The following SPINK5 variants were observed in gnomAD, a reference collection of about 807,000 sequenced individuals.
SPINK5 encodes serine protease inhibitor Kazal-type 5.
Under a neutral mutation model 151.8 loss-of-function variants are expected in SPINK5, and 125 were observed. The observed-to-expected ratio is 0.82, with a 90% confidence interval of 0.71 to 0.96. The LOEUF (loss-of-function observed/expected upper bound fraction) is 0.96. SPINK5 is among the 40% of genes least tolerant of loss of function. SPINK5 has a pLI of 0.00. For synonymous variants in SPINK5, 374 were observed against 395.3 expected (o/e 0.95, Z 0.64); for missense variants, 1,194 against 1,291.9 (o/e 0.92, Z 1.16).
intron 32 of SPINK5, among the ~76,000 whole-genome samples, chr5:148,134,458 A>G (rs1754648696): frequency 6.6e-6 from 1 of 152,174 alleles, no homozygotes; most frequent in Non-Finnish European, 1.5e-5. Flanking sequence ...TAAGAGAAAA[A>G]TGTTTTGTTA....
chr5:148,064,691 C>T (rs539668652), intron 1 of SPINK5, among the ~76,000 whole-genome samples: 2 of 151,980 alleles, frequency 1.3e-5, no homozygotes, highest in South Asian at 4.1e-4. Context: ...CCTAGACTTA[C>T]GTTGCTCTGA....
At chr5:148,064,578 C>T (rs1199279773) in intron 1 of SPINK5, among the ~76,000 whole-genome samples, 1 of 152,110 alleles carries the variant, frequency 6.6e-6, no homozygotes, top group Non-Finnish European at 1.5e-5. Context: ...TTTTCAAATG[C>T]TAAATGGGTT....
chr5:148,134,149 G>A (rs990850275), intron 32 of SPINK5: 8 of 483,954 alleles, frequency 1.7e-5, no homozygotes, highest in Non-Finnish European at 3.0e-5. Flanking sequence ...CCAACATAAC[G>A]TTACTTATTT....
At chr5:148,082,601 C>CTTTTTT (rs1200775905) in intron 4 of SPINK5, among the ~76,000 whole-genome samples, 3 of 42,762 alleles carry the variant, frequency 7.0e-5, no homozygotes, top group Non-Finnish European at 1.1e-4. Context: ...TTTATATATT[C>CTTTTTT]TTTTTTTTTT....
At chr5:148,089,768 TTC>T in intron 7 of SPINK5, 147 bp downstream of exon 7, 3 of 1,182,794 alleles carry the variant, frequency 2.5e-6, no homozygotes, top group South Asian at 1.3e-5. Context: ...ACAGAAAGGC[TTC>T]TTTTCTTTTT....
chr5:148,072,674 G>C (rs1372133127), intron 4 of SPINK5, among the ~76,000 whole-genome samples: 1 of 151,346 alleles, frequency 6.6e-6, no homozygotes, highest in Non-Finnish European at 1.5e-5. Flanking sequence ...TTTAAAAGCC[G>C]GTCTCAGGGT....
intron 27 of SPINK5, 42 bp downstream of exon 27, chr5:148,124,002 GT>G (rs1223079651): frequency 2.2e-5 from 35 of 1,610,600 alleles, no homozygotes; most frequent in Non-Finnish European, 2.9e-5. Flanking sequence ...AGTTGTGCCT[GT>G]TTGCTAGAAA....
Position 148,131,269 on chromosome 5 carries a change from T to C in SPINK5, c.2975T>C (p.Met992Thr), listed in dbSNP as rs186910422. The C allele has an allele frequency of 2.5e-6, 4 of 1,613,864 alleles. No individual in the cohort carries two copies. The highest frequency in any genetic ancestry group is 4.5e-5 in the East Asian group (2 of 44,846). ...PDSFSSLDSE[M>T]CKDYRVLPRI... ...TTTTTGCTTCTTCAGGATTCTGAGA[T>C]GTGCAAAGACTACCGAGTATTGCCC... The change falls in exon 31 of 33, where the codon ATG (methionine) becomes ACG (threonine). Residue 992 changes from methionine (M) to threonine (T), a missense_variant. Transcript: ENST00000256084.
chr5:148,130,539 A>G (rs113746516), intron 30 of SPINK5, among the ~76,000 whole-genome samples: 2,929 of 152,112 alleles, frequency 0.019, 90 homozygotes, highest in African/African-American at 0.067. Flanking sequence ...AGGTCTTGGA[A>G]TTATCATTAA....
At chr5:148,087,944 T>A (rs1753205626) in intron 5 of SPINK5, among the ~76,000 whole-genome samples, 1 of 151,818 alleles carries the variant, frequency 6.6e-6, no homozygotes, top group Non-Finnish European at 1.5e-5. Flanking sequence ...TTTATATTGT[T>A]TTTACTAAAT....
intron 4 of SPINK5, among the ~76,000 whole-genome samples, chr5:148,077,029 G>C (rs79062863): frequency 0.029 from 4,402 of 151,332 alleles, 102 homozygotes; most frequent in South Asian, 0.094. Flanking sequence ...ATAGAGGTGA[G>C]AGAAAAAGGA....
intron 4 of SPINK5, among the ~76,000 whole-genome samples, chr5:148,078,472 T>C (rs1168250069): frequency 1.3e-5 from 2 of 151,170 alleles, no homozygotes; most frequent in African/African-American, 2.4e-5. Context: ...GCTTCTCCGT[T>C]GATTGTAGAA....
At position 148,107,216 on chromosome 5, in the gene SPINK5, C is replaced by G. The variant is rs1581088086; in HGVS notation, c.1607+52C>G. The G allele has an allele frequency of 7.3e-7, 1 of 1,368,546 alleles. No individual in the cohort carries two copies. Among genetic ancestry groups the G allele is most frequent in the Non-Finnish European group, 9.7e-7 (1 of 1,034,860 alleles). 84.8% of individuals were successfully genotyped at this position (1,368,546 alleles called of 1,614,324 possible). ...TGAATTTCTTCATCCATGATCGCCC[C>G]TGAGTCTCAGATCCTTCATGCATGT... On this transcript the variant is annotated intron_variant, in intron 17 of 32. Coordinates refer to ENST00000256084, the MANE Select transcript of SPINK5 (RefSeq NM_006846.4).
chr5:148,090,441 C>T (rs1433437410), intron 7 of SPINK5, among the ~76,000 whole-genome samples: 1 of 151,658 alleles, frequency 6.6e-6, no homozygotes, highest in African/African-American at 2.4e-5. Context: ...ACTTTCTTAT[C>T]TAGGAGACAT....
intron 4 of SPINK5, among the ~76,000 whole-genome samples, chr5:148,075,384 A>C (rs1372200200): frequency 3.3e-5 from 5 of 151,014 alleles, no homozygotes; most frequent in Non-Finnish European, 7.4e-5. Flanking sequence ...CTTAATATTA[A>C]ACTATTATTA....
At chr5:148,094,103 C>T (rs921485408) in intron 8 of SPINK5, among the ~76,000 whole-genome samples, 41 of 151,836 alleles carry the variant, frequency 2.7e-4, no homozygotes, top group African/African-American at 9.7e-4. Context: ...AAGACCAGCC[C>T]GGGCAACATG....
chr5:148,122,467 G>T (rs1008085478), intron 26 of SPINK5, among the ~76,000 whole-genome samples: 2 of 152,132 alleles, frequency 1.3e-5, no homozygotes, highest in Admixed American at 1.3e-4. Context: ...TTAAGGTAAT[G>T]TTTCCATATC....
chr5:148,085,358 G>A (rs1052860637), intron 4 of SPINK5, among the ~76,000 whole-genome samples: 1 of 151,784 alleles, frequency 6.6e-6, no homozygotes, highest in Non-Finnish European at 1.5e-5. Flanking sequence ...ACATGAAGTT[G>A]TATTTTGCAA....
chr5:148,134,035 A>C (rs1754640128), intron 32 of SPINK5, 148 bp downstream of exon 32: 1 of 750,586 alleles, frequency 1.3e-6, no homozygotes, highest in Non-Finnish European at 2.4e-6. Flanking sequence ...CATTTTCACT[A>C]TAAGGATAAT....
Sources: gnomAD v4.1 joint callset for allele counts (sites outside exome capture counted in the v4.1 genomes callset) on GRCh38, gnomAD v4.1.1 for gene constraint, MANE v1.5 for transcripts, NCBI Gene and HGNC (gene_info 2026-07-23, HGNC 2026-07-21) for gene names.